The following SNX31 variants were observed in gnomAD, a reference collection of about 807,000 sequenced individuals.
The protein encoded by SNX31 is sorting nexin-31.
SNX31 carries 58 observed loss-of-function variants against 65.4 expected under a neutral mutation model. The ratio of observed to expected loss-of-function variants is 0.89; its 90% CI spans 0.72 to 1.10. The LOEUF (loss-of-function observed/expected upper bound fraction) is 1.10. Ranked by LOEUF, SNX31 falls within the 50% of genes least tolerant of loss-of-function variation. The pLI is 0.00. For synonymous variants in SNX31, 181 were observed against 190.1 expected (o/e 0.95, Z 0.39); for missense variants, 523 against 529.7 (o/e 0.99, Z 0.12).
Position 100,588,610 on chromosome 8 carries a change from G to T in SNX31, c.1092+256C>A, listed in dbSNP as rs564032584. ...TTTAAGAAAAAGTCTATGGACTCCT[G>T]GTCTAAGCCACTGTTGGTTGAATCT... On this transcript the variant is annotated intron_variant, in intron 11 of 13. Transcript: ENST00000311812. The surrounding 1 kb of genome is among the most constrained non-coding windows in gnomAD (Gnocchi z 4.8). 1.3e-5 allele frequency among the ~76,000 whole-genome samples: 2 copies of T among 152,252 alleles called. No individual in the cohort carries two copies. The highest frequency in any genetic ancestry group is 4.1e-4 in the South Asian group (2 of 4,822).
chr8:100,633,850 T>C (rs1488582117), intron 3 of SNX31, among the ~76,000 whole-genome samples: 1 of 152,166 alleles, frequency 6.6e-6, no homozygotes, highest in Non-Finnish European at 1.5e-5. Context: ...TAGCATTATG[T>C]TTGCAACTTT....
At chr8:100,608,349 A>G (rs1216396654) in intron 8 of SNX31, 145 bp downstream of exon 8, 5 of 691,462 alleles carry the variant, frequency 7.2e-6, no homozygotes, top group Non-Finnish European at 1.2e-5. Context: ...GCCCCTGGTA[A>G]TCTCTGTTCT....
At chr8:100,642,254 G>A (rs1283600140) in intron 2 of SNX31, among the ~76,000 whole-genome samples, 2 of 152,124 alleles carry the variant, frequency 1.3e-5, no homozygotes, top group East Asian at 1.9e-4. Context: ...CCATTAAATA[G>A]AAGCAAAAAT....
rs769414251 is a variant in SNX31, at chr8:100,617,771, T to TC, written c.322-42_322-41insG. 1.0e-5 allele frequency: 15 copies of TC among 1,470,208 alleles called. No individual in the cohort carries two copies. In the African/African-American group the frequency reaches 1.7e-4, roughly 17 times the overall value. The allele number at this position is 1,470,208 out of a possible 1,614,324, so 91.1% of individuals were successfully genotyped here. On this transcript the variant is annotated intron_variant, in intron 4 of 13. Transcript: ENST00000311812. ...AAGCAAAATAAATTTCCACACCTTT[T>TC]TTTTTTTTTTGGAGGCGGAGTCTCA...
At chr8:100,656,753 C>A (rs112147030) in intron 1 of SNX31, among the ~76,000 whole-genome samples, 3 of 150,230 alleles carry the variant, frequency 2.0e-5, no homozygotes, top group African/African-American at 7.4e-5. Flanking sequence ...TAGGCTTTAA[C>A]GATTTGTTGA....
In SNX31 at chr8:100,594,003, A is replaced by G. The variant is rs187859318; in HGVS notation, c.978+2636T>C. Among the ~76,000 whole-genome samples the G allele has an allele frequency of 6.6e-6, 1 of 152,102 alleles. No individual in the cohort carries two copies. Among genetic ancestry groups the G allele is most frequent in the African/African-American group, 2.4e-5 (1 of 41,426 alleles). Reference sequence around the variant, plus strand: ...TCTGCAAAAGACCTTGTTTAAGAGGATGAAAAACTATAGAGTGGGCCAGGT... The same window carrying G: ...TCTGCAAAAGACCTTGTTTAAGAGGGTGAAAAACTATAGAGTGGGCCAGGT... On this transcript the variant is annotated intron_variant, in intron 10 of 13. Coordinates refer to ENST00000311812, the MANE Select transcript of SNX31 (RefSeq NM_152628.4). This position sits in a 1 kb window ranked among gnomAD's most constrained non-coding sequence, Gnocchi z 4.0.
chr8:100,606,946 C>A (rs887060700), intron 8 of SNX31, among the ~76,000 whole-genome samples: 2 of 152,194 alleles, frequency 1.3e-5, no homozygotes, highest in Non-Finnish European at 2.9e-5. Context: ...GTGCCCGGAA[C>A]AATTCCAGTT....
chr8:100,644,198 G>C (rs189487928), intron 2 of SNX31, among the ~76,000 whole-genome samples: 5 of 152,238 alleles, frequency 3.3e-5, no homozygotes, highest in Admixed American at 2.6e-4. Context: ...GCGCACACAG[G>C]CTGCACAGCC....
intron 1 of SNX31, among the ~76,000 whole-genome samples, chr8:100,656,640 CAAAAAAAAAAAAA>C (rs34052612): frequency 2.2e-5 from 1 of 44,600 alleles, no homozygotes; most frequent in Non-Finnish European, 4.0e-5. Flanking sequence ...GACTCTGTCT[CAAAAAAAAAAAAA>C]AAAAAAAAAA....
chr8:100,620,311 C>T (rs934706653), intron 4 of SNX31, among the ~76,000 whole-genome samples: 2 of 152,218 alleles, frequency 1.3e-5, no homozygotes, highest in African/African-American at 2.4e-5. Flanking sequence ...TCAGACACAA[C>T]AGATGCTGCA....
intron 13 of SNX31, among the ~76,000 whole-genome samples, chr8:100,574,896 C>T (rs567494555): frequency 3.9e-5 from 6 of 152,076 alleles, no homozygotes; most frequent in East Asian, 3.9e-4. Flanking sequence ...ATGGCACCAC[C>T]GCACTCCAGC....
chr8:100,583,249 G>A (rs997816103), intron 12 of SNX31, among the ~76,000 whole-genome samples: 1 of 151,534 alleles, frequency 6.6e-6, no homozygotes, highest in African/African-American at 2.4e-5. Flanking sequence ...TGGGACTACA[G>A]GTACCCACCA....
chr8:100,649,871 G>T (rs1365396619), upstream of SNX31, among the ~76,000 whole-genome samples: 3 of 152,230 alleles, frequency 2.0e-5, no homozygotes. Context: ...TGCCAACGCT[G>T]CCTGCAGTGC....
intron 1 of SNX31, among the ~76,000 whole-genome samples, chr8:100,661,401 T>C (rs945950373): frequency 1.3e-5 from 2 of 152,258 alleles, no homozygotes; most frequent in East Asian, 1.9e-4. Flanking sequence ...TCATAAATTC[T>C]CATAAATGCA....
Position 100,613,022 on chromosome 8 carries a change from G to T in SNX31, c.496C>A (p.Arg166=), listed in dbSNP as rs146603887. Residue 166 remains arginine, a synonymous_variant, in exon 6 of 14, where the codon CGG becomes AGG. Coordinates refer to ENST00000311812, the MANE Select transcript of SNX31 (RefSeq NM_152628.4). The surrounding 1 kb of genome is among the most constrained non-coding windows in gnomAD (Gnocchi z 5.2). ...GAGAGCTTGCCCTCCTTGCCAAACC[G>T]AATGAGAAAGAGGCCGAAGTAGCCC... ...LLGYFGLFLI[R]FGKEGKLSVV... is the part of the protein sequence containing the mutation. 5.6e-6 allele frequency: 9 copies of T among 1,613,902 alleles called. No individual in the cohort carries two copies. The highest frequency in any genetic ancestry group is 7.6e-6 in the Non-Finnish European group (9 of 1,179,964).
chr8:100,580,370 T>C lies in SNX31; in HGVS notation c.1171-3295A>G, dbSNP rs537448493. Reference sequence around the variant, plus strand: ...GAATTCTCTAAATGGCAGAGATTGTTGGTAGTTTACTCCATTATCCATTCC... The same window carrying C: ...GAATTCTCTAAATGGCAGAGATTGTCGGTAGTTTACTCCATTATCCATTCC... On this transcript the variant is annotated intron_variant, in intron 12 of 13. Transcript: ENST00000311812. Among the ~76,000 whole-genome samples the C allele has an allele frequency of 2.0e-5, 3 of 152,302 alleles. No homozygotes were observed. In the East Asian group the frequency reaches 5.8e-4, roughly 29 times the overall value.
intron 2 of SNX31, among the ~76,000 whole-genome samples, chr8:100,641,563 A>AAAAAAAAAAAAT (rs1819193983): frequency 4.4e-5 from 1 of 22,606 alleles, no homozygotes; most frequent in Non-Finnish European, 7.2e-5. Flanking sequence ...AAAAAAAAAA[A>AAAAAAAAAAAAT]AAATATATAT....
At chr8:100,584,294 C>G (rs1813830501) in intron 11 of SNX31, 106 bp from the exon 12 acceptor site, 2 of 742,924 alleles carry the variant, frequency 2.7e-6, no homozygotes, top group Non-Finnish European at 4.1e-6. Flanking sequence ...TCCAATAACA[C>G]AGATTCAAGA....
intron 2 of SNX31, among the ~76,000 whole-genome samples, chr8:100,646,203 A>T (rs1846045): frequency 0.61 from 93,044 of 152,050 alleles, 30,368 homozygotes; most frequent in African/African-American, 0.85. Context: ...TTACAAAATA[A>T]AAGATCTCAA....
Sources: allele counts gnomAD v4.1 joint callset (sites outside exome capture counted in the v4.1 genomes callset), GRCh38; gene constraint gnomAD v4.1.1; non-coding constraint Gnocchi (gnomAD v3.1); transcripts MANE v1.5; gene names NCBI Gene and HGNC (gene_info 2026-07-23, HGNC 2026-07-21).